The following GTF3C3 variants were observed in gnomAD, a reference collection of about 807,000 sequenced individuals.
The protein encoded by GTF3C3 is general transcription factor IIIC subunit 3, also known as general transcription factor 3C polypeptide 3.
GTF3C3 carries 75 observed loss-of-function variants against 105.2 expected under a neutral mutation model. The ratio of observed to expected loss-of-function variants is 0.71; its 90% confidence interval spans 0.59 to 0.86. The LOEUF is 0.86. Among genes scored for constraint, GTF3C3 ranks in the 40% least tolerant of loss-of-function variants. GTF3C3 has a pLI of 0.00. For missense variants in GTF3C3, 856 were observed against 1,076.5 expected (o/e 0.80, Z 2.87); for synonymous variants, 335 against 370.4 (o/e 0.90, Z 1.10).
chr2:196,776,151 C>A lies in GTF3C3; in HGVS notation c.1594-40G>T. On this transcript the variant is annotated intron_variant, in intron 11 of 17. Transcript: ENST00000263956. The surrounding 1 kb of genome is among the most constrained non-coding windows in gnomAD (Gnocchi z 4.5). ...ACATGATGATGAGCCTAACAAGATT[C>A]CTTTTCTACAAATTGTTTTATTTGC... 1 of 1,045,826 alleles carries A rather than the reference C, an allele frequency of 9.6e-7. No homozygotes were observed. Among genetic ancestry groups the A allele is most frequent in the South Asian group, 1.5e-5 (1 of 68,426 alleles). The allele number at this position is 1,045,826 out of a possible 1,614,324, so 64.8% of individuals were successfully genotyped here. A position where few individuals can be genotyped will look rare whatever the true frequency, so the allele number is the denominator to read the frequency against.
At chr2:196,781,357 A>AAAAAAAAAAAAAAT in intron 8 of GTF3C3, among the ~76,000 whole-genome samples, 7 of 18,820 alleles carry the variant, frequency 3.7e-4, no homozygotes, top group African/African-American at 7.2e-4. Flanking sequence ...AAAAAAAAAA[A>AAAAAAAAAAAAAAT]ATATATATAT....
chr2:196,781,355 A>ATATATATTATATATAT lies in GTF3C3; in HGVS notation c.1115-694_1115-693insATATATATAATATATA, dbSNP rs1442698575. On this transcript the variant is annotated intron_variant, in intron 8 of 17. Transcript: ENST00000263956. The stretch of plus-strand genomic sequence containing the variant: ...AAATGTTAAGGGGAAAAAAAAAAAA[A>ATATATATTATATATAT]AAATATATATATATATATATATATA... 2.0e-3 allele frequency among the ~76,000 whole-genome samples: 62 copies of ATATATATTATATATAT among 31,194 alleles called. 3 individuals are homozygous for ATATATATTATATATAT. The highest frequency in any genetic ancestry group is 2.6e-3 in the Non-Finnish European group (36 of 13,862). 20.5% of individuals were successfully genotyped at this position (31,194 alleles called of 152,430 possible).
At chr2:196,773,921 G>T (rs1559298914) in intron 13 of GTF3C3, among the ~76,000 whole-genome samples, 1 of 152,234 alleles carries the variant, frequency 6.6e-6, no homozygotes, top group Non-Finnish European at 1.5e-5. Flanking sequence ...ACCTCCTGCT[G>T]TGCGGCCCAG....
At chr2:196,774,652 C>G (rs1353509188) in intron 13 of GTF3C3, among the ~76,000 whole-genome samples, 2 of 152,136 alleles carry the variant, frequency 1.3e-5, no homozygotes, top group African/African-American at 4.8e-5. Context: ...AAAACACAAG[C>G]TGCAGAGGTA....
At chr2:196,766,266 C>T (rs996385563) in intron 17 of GTF3C3, among the ~76,000 whole-genome samples, 1 of 152,008 alleles carries the variant, frequency 6.6e-6, no homozygotes, top group Non-Finnish European at 1.5e-5. Flanking sequence ...GAAACAGTCA[C>T]AATATTCTTC....
intron 12 of GTF3C3, 41 bp downstream of exon 12, chr2:196,775,969 A>G (rs752099292): frequency 2.2e-5 from 20 of 904,734 alleles, no homozygotes; most frequent in African/African-American, 3.4e-5. Context: ...TAAACATTTA[A>G]AAAGTCAACA....
chr2:196,771,302 T>A (rs1019566353), intron 15 of GTF3C3, among the ~76,000 whole-genome samples: 3 of 152,184 alleles, frequency 2.0e-5, no homozygotes, highest in Non-Finnish European at 4.4e-5. Context: ...AAATCTTGAA[T>A]GTTTTGCATT....
intron 13 of GTF3C3, among the ~76,000 whole-genome samples, chr2:196,774,296 C>CA (rs1379235412): frequency 2.0e-5 from 3 of 151,902 alleles, no homozygotes; most frequent in Non-Finnish European, 2.9e-5. Context: ...GACCATATGC[C>CA]AAAAAATAAG....
chr2:196,789,810 A>C (rs1699515561), intron 5 of GTF3C3, 69 bp downstream of exon 5: 2 of 985,682 alleles, frequency 2.0e-6, no homozygotes, highest in East Asian at 5.1e-5. Context: ...CAGAATAGCA[A>C]ATACAATGAT....
chr2:196,764,704 CTTTATG>C lies in GTF3C3; in HGVS notation c.2539-25_2539-20del. On this transcript the variant is annotated intron_variant, in intron 17 of 17. Coordinates refer to ENST00000263956, the MANE Select transcript of GTF3C3 (RefSeq NM_012086.5). Reference sequence around the variant, plus strand: ...CTATACCCTAGGGAGAAAAAGATACCTTTATGTTTAATATTTCCAACTGTCAACCGG... The same window carrying C: ...CTATACCCTAGGGAGAAAAAGATACCTTTAATATTTCCAACTGTCAACCGG... 1 of 1,596,086 alleles carries C rather than the reference CTTTATG, an allele frequency of 6.3e-7. No individual in the cohort carries two copies. Among genetic ancestry groups the C allele is most frequent in the Non-Finnish European group, 8.6e-7 (1 of 1,168,778 alleles).
chr2:196,793,504 C>T (rs947717715), intron 2 of GTF3C3, among the ~76,000 whole-genome samples: 4 of 152,144 alleles, frequency 2.6e-5, no homozygotes, highest in African/African-American at 7.2e-5. Context: ...TGGTGGTATA[C>T]GATAGTGGTT....
At chr2:196,797,458 G>A (rs1699666487) in intron 2 of GTF3C3, among the ~76,000 whole-genome samples, 1 of 152,166 alleles carries the variant, frequency 6.6e-6, no homozygotes. Context: ...TTATATCGAA[G>A]TGTAATTCAT....
intron 16 of GTF3C3, among the ~76,000 whole-genome samples, chr2:196,767,693 C>G (rs1699092305): frequency 6.6e-6 from 1 of 152,090 alleles, no homozygotes; most frequent in South Asian, 2.1e-4. Flanking sequence ...CTGAAAGACA[C>G]AGCTCTCTTA....
chr2:196,785,490 A>C lies in GTF3C3; in HGVS notation c.992T>G (p.Ile331Arg). The C allele has an allele frequency of 6.2e-7, 1 of 1,610,554 alleles. No individual in the cohort carries two copies. The highest frequency in any genetic ancestry group is 8.5e-7 in the Non-Finnish European group (1 of 1,177,260). Residue 331 changes from isoleucine to arginine, a missense_variant, in exon 7 of 18, where the codon ATA (isoleucine) becomes AGA (arginine). Coordinates refer to ENST00000263956, the MANE Select transcript of GTF3C3 (RefSeq NM_012086.5). Reference protein sequence around the residue: ...QGLVSMEDVNIAAELYISNKQ... With the variant: ...QGLVSMEDVNRAAELYISNKQ... ...GTTAGAAATATATAGTTCAGCTGCT[A>C]TGTTAACATCTTCCATGGAGACTAG...
intron 16 of GTF3C3, among the ~76,000 whole-genome samples, chr2:196,767,675 C>T (rs1041290794): frequency 6.6e-6 from 1 of 152,192 alleles, no homozygotes; most frequent in Non-Finnish European, 1.5e-5. Context: ...ACTATGACCT[C>T]TATTCCACTG....
At chr2:196,788,081 TTAAC>T (rs1699482605) in intron 6 of GTF3C3, among the ~76,000 whole-genome samples, 1 of 152,218 alleles carries the variant, frequency 6.6e-6, no homozygotes, top group South Asian at 2.1e-4. Context: ...AGCTATAGAT[TTAAC>T]TAACAGCAAA....
chr2:196,799,467 A>G lies in GTF3C3; in HGVS notation c.102+43T>C, dbSNP rs758356619. On this transcript the variant is annotated intron_variant, in intron 1 of 17. Transcript: ENST00000263956. ...GGGTCCCCCACACCTAAGGGTATGAAGGCAACAAGAGTGAAGGGCACCGTG... is the reference window on the plus strand; with the variant it reads ...GGGTCCCCCACACCTAAGGGTATGAGGGCAACAAGAGTGAAGGGCACCGTG... 8 of 1,439,738 alleles carry G rather than the reference A, an allele frequency of 5.6e-6. No individual in the cohort carries two copies. In the East Asian group the frequency reaches 1.8e-4, roughly 33 times the overall value. The allele number at this position is 1,439,738 out of a possible 1,614,324, so 89.2% of individuals were successfully genotyped here.
At chr2:196,798,899 T>C (rs1229457514) in intron 1 of GTF3C3, among the ~76,000 whole-genome samples, 2 of 151,020 alleles carry the variant, frequency 1.3e-5, no homozygotes, top group African/African-American at 4.9e-5. Flanking sequence ...CCTTCGAACT[T>C]AAAAATTTAA....
intron 16 of GTF3C3, 133 bp downstream of exon 16, chr2:196,769,782 G>C: frequency 4.5e-6 from 3 of 660,846 alleles, no homozygotes; most frequent in Non-Finnish European, 7.7e-6. Flanking sequence ...ACTGGGGTAA[G>C]TGTTGGGGAC....
Sources: allele counts gnomAD v4.1 joint callset (sites outside exome capture counted in the v4.1 genomes callset), GRCh38; gene constraint gnomAD v4.1.1; non-coding constraint Gnocchi (gnomAD v3.1); transcripts MANE v1.5; gene names NCBI Gene and HGNC (gene_info 2026-07-23, HGNC 2026-07-21).